CSMD1: variants seen among roughly 807,000 people sequenced by gnomAD.
The protein encoded by CSMD1 is CUB and Sushi multiple domains 1, also known as CUB and sushi domain-containing protein 1.
A neutral mutation model predicts 417.5 loss-of-function variants in CSMD1; 213 were observed. The ratio of observed to expected loss-of-function variants is 0.51; its 90% CI spans 0.46 to 0.57. CSMD1 has a LOEUF of 0.57. Ranked by LOEUF, CSMD1 falls within the 20% of genes least tolerant of loss-of-function variation. The pLI, the probability that CSMD1 is intolerant of heterozygous loss-of-function variation, is 0.00. For synonymous variants in CSMD1, 2,862 were observed against 1,736.8 expected (o/e 1.65, Z -16.11); for missense variants, 6,923 against 4,529.7 (o/e 1.53, Z -15.17).
chr8:3,381,364 C>T (rs1372251714), intron 18 of CSMD1, among the ~76,000 whole-genome samples: 1 of 151,998 alleles, frequency 6.6e-6, no homozygotes, highest in Non-Finnish European at 1.5e-5. Context: ...TAAAAATGCA[C>T]AGTATCATCC....
intron 2 of CSMD1, among the ~76,000 whole-genome samples, chr8:4,591,237 G>A (rs935638210): frequency 6.6e-6 from 1 of 152,218 alleles, no homozygotes; most frequent in East Asian, 1.9e-4. Context: ...TCTCTAATAT[G>A]AAGAACTCAC....
At chr8:4,035,054 T>C (rs1478786133) in intron 3 of CSMD1, among the ~76,000 whole-genome samples, 10 of 152,180 alleles carry the variant, frequency 6.6e-5, no homozygotes. Flanking sequence ...ATGCAAATGA[T>C]TATCGTGCAG....
intron 5 of CSMD1, among the ~76,000 whole-genome samples, chr8:3,918,462 T>C (rs1201106000): frequency 3.9e-5 from 6 of 152,192 alleles, no homozygotes; most frequent in Non-Finnish European, 8.8e-5. Context: ...GATCACCTTT[T>C]TATATACCTG....
intron 1 of CSMD1, among the ~76,000 whole-genome samples, chr8:4,984,645 T>C (rs1811076034): frequency 6.6e-6 from 1 of 152,090 alleles, no homozygotes; most frequent in Non-Finnish European, 1.5e-5. Context: ...CATAGCCTTT[T>C]GTAAAGGGGA....
chr8:3,298,478 G>C (rs1056279406), intron 25 of CSMD1, among the ~76,000 whole-genome samples: 3 of 152,254 alleles, frequency 2.0e-5, no homozygotes, highest in East Asian at 1.9e-4. Flanking sequence ...TTTTTAGACA[G>C]AGTCTTGATC....
intron 26 of CSMD1, among the ~76,000 whole-genome samples, chr8:3,265,439 C>T (rs62505005): frequency 6.6e-6 from 1 of 152,146 alleles, no homozygotes; most frequent in Non-Finnish European, 1.5e-5. Flanking sequence ...GTTATTTACT[C>T]TCAGGGATCA....
At chr8:3,069,782 C>T (rs574836864) in intron 49 of CSMD1, among the ~76,000 whole-genome samples, 8 of 152,206 alleles carry the variant, frequency 5.3e-5, no homozygotes, top group Non-Finnish European at 1.0e-4. Flanking sequence ...GGAGACTCTG[C>T]ATGGGGTTTC....
intron 30 of CSMD1, among the ~76,000 whole-genome samples, chr8:3,208,383 CA>C (rs959390182): frequency 5.3e-5 from 8 of 152,166 alleles, no homozygotes; most frequent in South Asian, 4.1e-4. Flanking sequence ...TCTCCTGCCT[CA>C]ACCTCCCGAG....
chr8:4,447,413 G>A (rs1244271628), intron 2 of CSMD1, among the ~76,000 whole-genome samples: 1 of 152,196 alleles, frequency 6.6e-6, no homozygotes, highest in African/African-American at 2.4e-5. Context: ...GAAGCCTGAA[G>A]TGGATGGCAT....
chr8:4,315,799 C>T (rs960877152), intron 3 of CSMD1, among the ~76,000 whole-genome samples: 1 of 73,918 alleles, frequency 1.4e-5, no homozygotes, highest in African/African-American at 2.7e-5. Flanking sequence ...TAAAGTAATT[C>T]AAACTTTTTT....
chr8:3,525,006 C>G (rs1344675552), intron 10 of CSMD1, among the ~76,000 whole-genome samples: 3 of 152,174 alleles, frequency 2.0e-5, no homozygotes, highest in Non-Finnish European at 2.9e-5. Flanking sequence ...TATGTATCAT[C>G]AAGTTGGCAT....
chr8:4,722,461 T>C (rs1467964788), intron 1 of CSMD1, among the ~76,000 whole-genome samples: 2 of 152,170 alleles, frequency 1.3e-5, no homozygotes, highest in African/African-American at 4.8e-5. Context: ...CATTTTGTAC[T>C]GCAGTCTGAA....
chr8:4,056,571 C>T (rs1334195243), intron 3 of CSMD1, among the ~76,000 whole-genome samples: 1 of 151,332 alleles, frequency 6.6e-6, no homozygotes, highest in Non-Finnish European at 1.5e-5. Flanking sequence ...TTTTAGGGTA[C>T]ATGTGCACAA....
At chr8:3,256,090 G>T (rs991725814) in intron 26 of CSMD1, among the ~76,000 whole-genome samples, 35 of 152,060 alleles carry the variant, frequency 2.3e-4, no homozygotes, top group Non-Finnish European at 3.1e-4. Context: ...GACTTTGGGG[G>T]GCTGAGGCAG....
Position 4,259,067 on chromosome 8 carries a change from T to A in CSMD1, c.415+160886A>T, listed in dbSNP as rs117935263. 4.1e-4 allele frequency among the ~76,000 whole-genome samples: 63 copies of A among 152,298 alleles called. No homozygotes were observed. The East Asian group carries it at 0.011, about 27-fold the overall frequency. ...TTGTGCAAAGACCCTGCTTTGAGTT[T>A]GAACGCTGATGATTTTGATGTAGCA... is the stretch of plus-strand genomic sequence containing the variant. On this transcript the variant is annotated intron_variant, in intron 3 of 69. Transcript: ENST00000635120.
intron 3 of CSMD1, among the ~76,000 whole-genome samples, chr8:4,342,870 C>T (rs765986372): frequency 2.6e-5 from 4 of 152,024 alleles, no homozygotes; most frequent in Non-Finnish European, 5.9e-5. Flanking sequence ...AAAGGCCACC[C>T]ATGTGACATA....
intron 3 of CSMD1, among the ~76,000 whole-genome samples, chr8:4,368,942 T>G (rs934184326): frequency 1.3e-5 from 2 of 152,148 alleles, no homozygotes; most frequent in African/African-American, 4.8e-5. Flanking sequence ...ATTTTAGCAG[T>G]TCAATTTCAT....
intron 2 of CSMD1, among the ~76,000 whole-genome samples, chr8:4,573,714 G>A (rs961746283): frequency 1.3e-4 from 20 of 152,118 alleles, no homozygotes; most frequent in Admixed American, 3.9e-4. Flanking sequence ...TGCTGAAGCT[G>A]CACCCACAGC....
At chr8:3,996,972 C>A (rs1658672142) in intron 5 of CSMD1, among the ~76,000 whole-genome samples, 1 of 152,174 alleles carries the variant, frequency 6.6e-6, no homozygotes, top group African/African-American at 2.4e-5. Flanking sequence ...AAACTGCAAC[C>A]TGCCGACATG....
Sources: gnomAD v4.1 joint callset for allele counts (sites outside exome capture counted in the v4.1 genomes callset) on GRCh38, gnomAD v4.1.1 for gene constraint, MANE v1.5 for transcripts, NCBI Gene and HGNC (gene_info 2026-07-23, HGNC 2026-07-21) for gene names.